The following MYO16 variants were observed in gnomAD, a reference collection of about 807,000 sequenced individuals.
The protein encoded by MYO16 is unconventional myosin-XVI.
Under a neutral mutation model 205.3 loss-of-function variants are expected in MYO16, and 94 were observed. The ratio of observed to expected loss-of-function variants is 0.46; its 90% CI spans 0.39 to 0.54. The LOEUF (loss-of-function observed/expected upper bound fraction) is 0.54. Among genes scored for constraint, MYO16 ranks in the 20% least tolerant of loss-of-function variants. The pLI is 0.00. For missense variants in MYO16, 2,315 were observed against 2,387.5 expected, an observed-to-expected ratio of 0.97 and a Z score of 0.63; for synonymous variants, 988 against 954.0, an observed-to-expected ratio of 1.04 and a Z score of -0.66.
intron 1 of MYO16, among the ~76,000 whole-genome samples, chr13:108,623,117 G>C (rs1435035583): frequency 1.3e-5 from 2 of 152,118 alleles, no homozygotes; most frequent in African/African-American, 4.8e-5. Flanking sequence ...ACGACGTCCA[G>C]CTTCCAAGGT....
At chr13:108,961,096 A>G (rs1227104464) in intron 17 of MYO16, among the ~76,000 whole-genome samples, 1 of 152,182 alleles carries the variant, frequency 6.6e-6, no homozygotes. Flanking sequence ...AATGAACACC[A>G]TGATGTAGGT....
intron 2 of MYO16, among the ~76,000 whole-genome samples, chr13:108,708,361 G>C (rs1883594327): frequency 2.0e-5 from 3 of 152,164 alleles, no homozygotes; most frequent in African/African-American, 7.2e-5. Flanking sequence ...TTTTTTAGAA[G>C]TCTTCACATT....
intron 3 of MYO16, among the ~76,000 whole-genome samples, chr13:108,719,489 C>T (rs991304247): frequency 2.0e-5 from 3 of 151,996 alleles, no homozygotes; most frequent in Non-Finnish European, 4.4e-5. Flanking sequence ...CAGCTCACCA[C>T]GGTCCCATCT....
intron 16 of MYO16, among the ~76,000 whole-genome samples, chr13:108,923,282 A>G (rs1881830286): frequency 6.6e-6 from 1 of 152,198 alleles, no homozygotes; most frequent in Non-Finnish European, 1.5e-5. Context: ...ACGGTTGAAA[A>G]CAGATAGGAA....
chr13:108,551,866 C>T, the MYO16 span, among the ~76,000 whole-genome samples: 1 of 152,296 alleles, frequency 6.6e-6, no homozygotes, highest in South Asian at 2.1e-4. Context: ...CTTCCAAATA[C>T]ACTACCAGTC....
At chr13:108,764,502 G>A (rs530999120) in intron 4 of MYO16, among the ~76,000 whole-genome samples, 208 of 150,558 alleles carry the variant, frequency 1.4e-3, no homozygotes, top group Non-Finnish European at 2.2e-3. Flanking sequence ...AGGTAAGTGG[G>A]CACCGGCTGG....
intron 16 of MYO16, among the ~76,000 whole-genome samples, chr13:108,950,739 C>G (rs1008221235): frequency 1.3e-5 from 2 of 152,114 alleles, no homozygotes; most frequent in East Asian, 3.9e-4. Context: ...ATAAACACCT[C>G]TATGTAAATG....
chr13:109,040,385 C>CACACAGAGAGAGAGAGAGAGAGAGAG lies in MYO16; in HGVS notation c.2797-6530_2797-6529insCACAGAGAGAGAGAGAGAGAGAGAGA, dbSNP rs1394314811. On this transcript the variant is annotated intron_variant, in intron 23 of 34. Transcript: ENST00000457511. The stretch of plus-strand genomic sequence containing the variant: ...ATACACACACACACACACACACACA[C>CACACAGAGAGAGAGAGAGAGAGAGAG]AGAGAGAGAGAGAGAGAGAGAGAGA... 8.4e-4 allele frequency among the ~76,000 whole-genome samples: 95 copies of CACACAGAGAGAGAGAGAGAGAGAGAG among 113,238 alleles called. 1 individual carries two copies. The East Asian group carries it at 0.017, about 20-fold the overall frequency. 74.3% of individuals were successfully genotyped at this position (113,238 alleles called of 152,430 possible).
the MYO16 span, among the ~76,000 whole-genome samples, chr13:108,530,464 G>A: frequency 4.8e-4 from 73 of 152,258 alleles, no homozygotes; most frequent in African/African-American, 1.7e-3. Context: ...TAGATCAAAC[G>A]TTCACCTAGG....
At chr13:108,998,497 C>T (rs1885109288) in intron 21 of MYO16, among the ~76,000 whole-genome samples, 1 of 152,184 alleles carries the variant, frequency 6.6e-6, no homozygotes, top group Admixed American at 6.5e-5. Context: ...CCCACTTCTG[C>T]ACCAATTCTT....
chr13:108,757,230 G>A (rs542461523), intron 4 of MYO16, among the ~76,000 whole-genome samples: 1 of 152,290 alleles, frequency 6.6e-6, no homozygotes, highest in South Asian at 2.1e-4. Flanking sequence ...GGAAAATTCT[G>A]AGAGAAATGT....
At chr13:108,889,944 AT>A (rs1880083691) in intron 14 of MYO16, among the ~76,000 whole-genome samples, 2 of 151,664 alleles carry the variant, frequency 1.3e-5, no homozygotes, top group African/African-American at 4.8e-5. Context: ...ATTGTTATTT[AT>A]TTTTGAGACA....
At chr13:109,056,902 C>T (rs1033064090) in intron 27 of MYO16, among the ~76,000 whole-genome samples, 1 of 151,964 alleles carries the variant, frequency 6.6e-6, no homozygotes, top group African/African-American at 2.4e-5. Flanking sequence ...AGTGTGAAAT[C>T]TCGCATTTAT....
chr13:108,611,970 TTC>T (rs1879188848), intron 1 of MYO16, among the ~76,000 whole-genome samples: 1 of 141,196 alleles, frequency 7.1e-6, no homozygotes. Flanking sequence ...TTTTTTTTTT[TTC>T]TTTTTTTTTT....
chr13:108,565,604 T>C, the MYO16 span, among the ~76,000 whole-genome samples: 1 of 152,208 alleles, frequency 6.6e-6, no homozygotes, highest in African/African-American at 2.4e-5. Context: ...TTTTCAAATG[T>C]CAGATCATAT....
chr13:108,590,487 A>C, the MYO16 span, among the ~76,000 whole-genome samples: 1 of 152,176 alleles, frequency 6.6e-6, no homozygotes, highest in Non-Finnish European at 1.5e-5. Flanking sequence ...TGTCCCCCAG[A>C]AGGATATGTT....
At chr13:108,560,995 C>T in the MYO16 span, among the ~76,000 whole-genome samples, 1 of 152,058 alleles carries the variant, frequency 6.6e-6, no homozygotes, top group African/African-American at 2.4e-5. Context: ...TTTTATGATA[C>T]ATTTTTATTT....
At chr13:109,056,122 T>C (rs1433549268) in intron 27 of MYO16, 1 of 153,778 alleles carries the variant, frequency 6.5e-6, no homozygotes, top group Non-Finnish European at 1.4e-5. Context: ...CAGTGTGCCA[T>C]GGTGTAAAAT....
intron 1 of MYO16, among the ~76,000 whole-genome samples, chr13:108,599,453 C>T (rs2139296961): frequency 6.6e-6 from 1 of 152,198 alleles, no homozygotes; most frequent in East Asian, 1.9e-4. Context: ...TTTACCGTCC[C>T]ACTTGTGGTA....
Sources: allele counts gnomAD v4.1 joint callset (sites outside exome capture counted in the v4.1 genomes callset), GRCh38; gene constraint gnomAD v4.1.1; transcripts MANE v1.5; gene names NCBI Gene and HGNC (gene_info 2026-07-23, HGNC 2026-07-21).